The following KAZN variants were observed in gnomAD, a reference collection of about 807,000 sequenced individuals.
KAZN encodes the protein kazrin, periplakin interacting protein, also known as kazrin.
KAZN carries 40 observed loss-of-function variants against 87.4 expected under a neutral mutation model. That is an observed-to-expected ratio of 0.46 (90% CI 0.36 to 0.60). The LOEUF is 0.60. Among genes scored for constraint, KAZN ranks in the 20% least tolerant of loss-of-function variants. The pLI is 0.00. For missense variants in KAZN, 898 were observed against 1,073.9 expected (o/e 0.84, Z 2.29); for synonymous variants, 466 against 458.3 (o/e 1.02, Z -0.22).
intron 2 of KAZN, among the ~76,000 whole-genome samples, chr1:14,590,823 A>C (rs575088277): frequency 6.6e-6 from 1 of 152,334 alleles, no homozygotes; most frequent in African/African-American, 2.4e-5. Context: ...AATCAGCAGC[A>C]ATATTATTCC....
intron 2 of KAZN, among the ~76,000 whole-genome samples, chr1:14,353,205 T>C (rs1658695597): frequency 6.6e-6 from 1 of 150,980 alleles, no homozygotes; most frequent in African/African-American, 2.4e-5. Flanking sequence ...GAAATAAAGC[T>C]GTCACTACAG....
intron 1 of KAZN, among the ~76,000 whole-genome samples, chr1:14,796,254 T>C (rs1346852021): frequency 6.6e-6 from 1 of 152,192 alleles, no homozygotes; most frequent in African/African-American, 2.4e-5. Context: ...GGGCTGGGCA[T>C]GGTCCTCTCA....
chr1:14,597,704 T>A (rs937574059), upstream of KAZN, among the ~76,000 whole-genome samples: 1 of 152,164 alleles, frequency 6.6e-6, no homozygotes, highest in Non-Finnish European at 1.5e-5. Flanking sequence ...GGAGGTTGAC[T>A]GAGCTGGAAT....
intron 1 of KAZN, among the ~76,000 whole-genome samples, chr1:14,756,755 G>A (rs562206291): frequency 6.6e-6 from 1 of 152,292 alleles, no homozygotes; most frequent in African/African-American, 2.4e-5. Flanking sequence ...TATAAAGAAG[G>A]GAACTTGTAG....
intron 2 of KAZN, among the ~76,000 whole-genome samples, chr1:14,182,182 C>A (rs752072246): frequency 1.3e-5 from 2 of 151,970 alleles, no homozygotes; most frequent in African/African-American, 4.8e-5. Context: ...TCTCCTGATC[C>A]CAAATCGATG....
chr1:14,453,533 G>A (rs573109189), intron 2 of KAZN, among the ~76,000 whole-genome samples: 14 of 152,172 alleles, frequency 9.2e-5, no homozygotes, highest in Admixed American at 5.9e-4. Flanking sequence ...CCATGTGCAC[G>A]CCACATTCAA....
intron 1 of KAZN, among the ~76,000 whole-genome samples, chr1:14,699,855 T>C (rs959378580): frequency 1.3e-5 from 2 of 152,190 alleles, no homozygotes; most frequent in African/African-American, 4.8e-5. Context: ...GTCATGCTGA[T>C]ATCATGGGAA....
chr1:14,196,386 C>T (rs1646527094), intron 2 of KAZN, among the ~76,000 whole-genome samples: 1 of 151,994 alleles, frequency 6.6e-6, no homozygotes, highest in South Asian at 2.1e-4. Flanking sequence ...AGACAGTAAC[C>T]CAGATATGAA....
At chr1:14,809,927 G>A (rs916629932) in intron 1 of KAZN, among the ~76,000 whole-genome samples, 1 of 152,138 alleles carries the variant, frequency 6.6e-6, no homozygotes, top group African/African-American at 2.4e-5. Flanking sequence ...ACAAGGTAAC[G>A]GGCTAGATCA....
intron 1 of KAZN, among the ~76,000 whole-genome samples, chr1:14,751,971 A>T (rs1425582981): frequency 6.6e-6 from 1 of 152,182 alleles, no homozygotes. Flanking sequence ...CCTTCTGCGT[A>T]ATGTACAAGA....
chr1:15,098,132 C>T (rs1640879538), intron 10 of KAZN, among the ~76,000 whole-genome samples: 1 of 152,208 alleles, frequency 6.6e-6, no homozygotes, highest in Non-Finnish European at 1.5e-5. Context: ...AGTAATAGAA[C>T]CAGAACAGCT....
At chr1:15,038,692 A>C (rs1015380759) in intron 3 of KAZN, among the ~76,000 whole-genome samples, 1 of 152,202 alleles carries the variant, frequency 6.6e-6, no homozygotes, top group Non-Finnish European at 1.5e-5. Context: ...GACAAGTAAC[A>C]GACATTTATT....
At position 15,060,216 on chromosome 1, in the gene KAZN, T is replaced by C. The variant is rs1573220839; in HGVS notation, c.961T>C (p.Ser321Pro). ...CCACTCCCGGCAGCCCTCTGTCATCTCCGACGCATCTGCCGCCGAAGGCGA... is the reference window on the plus strand; with the variant it reads ...CCACTCCCGGCAGCCCTCTGTCATCCCCGACGCATCTGCCGCCGAAGGCGA... ...PCHSRQPSVI[S>P]DASAAEGDRS... The change falls in exon 6 of 15, where the codon TCC becomes CCC. Residue 321 changes from serine to proline, a missense_variant. This residue lies in a region of KAZN where 521 missense variants were observed against 689.4 expected (regional missense o/e 0.76). Transcript: ENST00000376030. The C allele has an allele frequency of 6.2e-7, 1 of 1,614,228 alleles. No homozygotes were observed. The highest frequency in any genetic ancestry group is 1.1e-5 in the South Asian group (1 of 91,088).
In KAZN at chr1:15,081,713, G is replaced by C. The variant is rs569238674; in HGVS notation, c.1223-12467G>C. Among the ~76,000 whole-genome samples the C allele has an allele frequency of 6.6e-6, 1 of 152,208 alleles. No homozygotes were observed. Among genetic ancestry groups the C allele is most frequent in the Admixed American group, 6.5e-5 (1 of 15,280 alleles). The stretch of plus-strand genomic sequence containing the variant: ...AGGCAGAGGAAAGTGACAGGCCGCT[G>C]TTCAGGCCAAGGGAACGGCAGGTGC... On this transcript the variant is annotated intron_variant, in intron 8 of 14. Coordinates refer to ENST00000376030, the MANE Select transcript of KAZN (RefSeq NM_201628.3). This position sits in a 1 kb window ranked among gnomAD's most constrained non-coding sequence, Gnocchi z 4.1.
intron 4 of KAZN, among the ~76,000 whole-genome samples, chr1:15,054,144 C>T (rs1674692676): frequency 1.3e-5 from 2 of 152,110 alleles, no homozygotes; most frequent in African/African-American, 4.8e-5. Context: ...GGAAGAACTC[C>T]AGGCCTGGGG....
intron 2 of KAZN, among the ~76,000 whole-genome samples, chr1:14,387,575 T>TGAGATGTCAGTCTGCCCCTGC (rs1419284853): frequency 6.6e-6 from 1 of 151,586 alleles, no homozygotes; most frequent in Non-Finnish European, 1.5e-5. Context: ...CCCGGCCATG[T>TGAGATGTCAGTCTGCCCCTGC]GAGATGTCAG....
At chr1:14,311,639 G>A (rs531284478) in intron 2 of KAZN, among the ~76,000 whole-genome samples, 1 of 152,114 alleles carries the variant, frequency 6.6e-6, no homozygotes, top group Non-Finnish European at 1.5e-5. Context: ...GAAAGACAGA[G>A]GCCTTCCTGA....
chr1:14,642,187 C>T (rs533311892), intron 1 of KAZN, among the ~76,000 whole-genome samples: 4 of 152,268 alleles, frequency 2.6e-5, no homozygotes, highest in East Asian at 3.9e-4. Flanking sequence ...ATGACAAGCT[C>T]GGGAGATCGA....
intron 2 of KAZN, among the ~76,000 whole-genome samples, chr1:14,574,375 TC>T (rs1430995929): frequency 1.3e-5 from 2 of 152,184 alleles, no homozygotes; most frequent in Non-Finnish European, 2.9e-5. Flanking sequence ...GAATTGTAGC[TC>T]CCATAATTCC....
Sources: gnomAD v4.1 joint callset for allele counts (sites outside exome capture counted in the v4.1 genomes callset) on GRCh38, gnomAD v4.1.1 for gene constraint, gnomAD v4.1.1 regional missense constraint, Gnocchi (gnomAD v3.1) non-coding constraint, MANE v1.5 for transcripts, NCBI Gene and HGNC (gene_info 2026-07-23, HGNC 2026-07-21) for gene names.